RGS7: variants seen among roughly 807,000 people sequenced by gnomAD.
RGS7 encodes regulator of G protein signaling 7, also known as regulator of G-protein signaling 7.
Under a neutral mutation model 81.1 loss-of-function variants are expected in RGS7, and 27 were observed. The observed-to-expected ratio is 0.33, with a 90% CI of 0.25 to 0.46. The LOEUF (loss-of-function observed/expected upper bound fraction) is 0.46. Ranked by LOEUF, RGS7 falls within the 20% of genes least tolerant of loss-of-function variation. The pLI is 1.00. For synonymous variants in RGS7, 208 were observed against 207.7 expected (o/e 1.00, Z -0.01); for missense variants, 396 against 607.4 (o/e 0.65, Z 3.66).
At chr1:240,933,003 C>T (rs1030559070) in intron 5 of RGS7, among the ~76,000 whole-genome samples, 1 of 149,158 alleles carries the variant, frequency 6.7e-6, no homozygotes, top group Non-Finnish European at 1.5e-5. Context: ...CCTGCCTCAG[C>T]CTCCCGAGTA....
chr1:241,076,108 C>A (rs2148882461), intron 3 of RGS7, among the ~76,000 whole-genome samples: 1 of 152,250 alleles, frequency 6.6e-6, no homozygotes, highest in East Asian at 1.9e-4. Context: ...TCCTGGAGGA[C>A]CCCACAGAGA....
chr1:240,964,247 T>C (rs1681934107), intron 4 of RGS7, among the ~76,000 whole-genome samples: 1 of 152,170 alleles, frequency 6.6e-6, no homozygotes, highest in Non-Finnish European at 1.5e-5. Context: ...GAATGTAGCA[T>C]GCCAGTAGAG....
At chr1:240,827,480 CGACA>C (rs981435617) in intron 9 of RGS7, among the ~76,000 whole-genome samples, 1 of 152,140 alleles carries the variant, frequency 6.6e-6, no homozygotes, top group African/African-American at 2.4e-5. Context: ...GCGACAAACC[CGACA>C]GACAGAGTGA....
chr1:241,155,436 A>G (rs1339881633), intron 2 of RGS7, among the ~76,000 whole-genome samples: 2 of 152,048 alleles, frequency 1.3e-5, no homozygotes, highest in African/African-American at 4.8e-5. Context: ...GAAGACATGC[A>G]TAAATTAGTA....
chr1:241,323,922 G>A (rs74150261), intron 2 of RGS7, among the ~76,000 whole-genome samples: 2,128 of 152,284 alleles, frequency 0.014, 48 homozygotes, highest in African/African-American at 0.049. Flanking sequence ...AGCCCAGTCT[G>A]CCTGAGACTG....
chr1:241,181,011 T>C (rs978588563), intron 2 of RGS7, among the ~76,000 whole-genome samples: 3 of 152,070 alleles, frequency 2.0e-5, no homozygotes, highest in Non-Finnish European at 4.4e-5. Flanking sequence ...AAGGCAAAAA[T>C]ATGGAGACAA....
Position 241,271,906 on chromosome 1 carries a change from TG to T in RGS7, c.78+83792del, listed in dbSNP as rs2077922617. On this transcript the variant is annotated intron_variant, in intron 2 of 18. Transcript: ENST00000440928. This position sits in a 1 kb window ranked among gnomAD's most constrained non-coding sequence, Gnocchi z 4.6. The stretch of plus-strand genomic sequence containing the variant: ...TAACGTGTGTGTGTGTGTGTGTGTG[TG>T]TGTGTGTGTGTGTGTGTGTGTGTGT... 6.6e-6 allele frequency among the ~76,000 whole-genome samples: 1 copy of T among 151,320 alleles called. No individual in the cohort carries two copies. The highest frequency in any genetic ancestry group is 1.5e-5 in the Non-Finnish European group (1 of 67,796).
chr1:241,032,049 C>T (rs943429728), intron 3 of RGS7, among the ~76,000 whole-genome samples: 2 of 152,220 alleles, frequency 1.3e-5, no homozygotes, highest in African/African-American at 4.8e-5. Flanking sequence ...AATTCTTTGC[C>T]TACGGCAATA....
chr1:241,319,683 C>T (rs1235860914), intron 2 of RGS7, among the ~76,000 whole-genome samples: 1 of 152,020 alleles, frequency 6.6e-6, no homozygotes, highest in Non-Finnish European at 1.5e-5. Flanking sequence ...AACCACCATG[C>T]CTGACCCAAA....
intron 2 of RGS7, among the ~76,000 whole-genome samples, chr1:241,175,178 A>C (rs1157021867): frequency 6.6e-6 from 1 of 152,172 alleles, no homozygotes; most frequent in Non-Finnish European, 1.5e-5. Flanking sequence ...CTGGGATTAC[A>C]GGTATGAGCC....
intron 2 of RGS7, among the ~76,000 whole-genome samples, chr1:241,288,541 C>T (rs1338922922): frequency 6.6e-6 from 1 of 152,108 alleles, no homozygotes; most frequent in Non-Finnish European, 1.5e-5. Flanking sequence ...GGCGCTGTTA[C>T]TATACAACAT....
At chr1:241,277,452 T>C (rs1417615561) in intron 2 of RGS7, among the ~76,000 whole-genome samples, 1 of 152,008 alleles carries the variant, frequency 6.6e-6, no homozygotes, top group Non-Finnish European at 1.5e-5. Flanking sequence ...ACCCTGTCTC[T>C]ACTAAAAATA....
rs71568996 is a variant in RGS7 at position 241,324,342 on chromosome 1, C to CA, written c.78+31356dup. 2.2e-3 allele frequency among the ~76,000 whole-genome samples: 312 copies of CA among 144,686 alleles called. 1 individual carries two copies. The highest frequency in any genetic ancestry group is 0.021 in the Middle Eastern group (6 of 282). The allele number at this position is 144,686 out of a possible 152,430, so 94.9% of individuals were successfully genotyped here. On this transcript the variant is annotated intron_variant, in intron 2 of 18. Transcript: ENST00000440928. ...GAAAAATATATAAAAGCAAAAAAAA[C>CA]AAAAAAAAAAGCAACTTTTTACTTA...
At chr1:241,183,116 T>C (rs902402020) in intron 2 of RGS7, among the ~76,000 whole-genome samples, 5 of 152,146 alleles carry the variant, frequency 3.3e-5, no homozygotes, top group Admixed American at 6.5e-5. Context: ...TGGGTTCTTC[T>C]CCTCATTAGA....
At chr1:240,801,080 T>C (rs1156935587) in intron 17 of RGS7, among the ~76,000 whole-genome samples, 1 of 152,132 alleles carries the variant, frequency 6.6e-6, no homozygotes, top group Non-Finnish European at 1.5e-5. Context: ...GTTCTTAACA[T>C]TTTAAGCCTC....
chr1:240,867,582 A>T (rs1369114669), intron 9 of RGS7, among the ~76,000 whole-genome samples: 1 of 152,236 alleles, frequency 6.6e-6, no homozygotes, highest in African/African-American at 2.4e-5. Context: ...TAAGGAAGAA[A>T]GCCAGCTAAG....
intron 2 of RGS7, among the ~76,000 whole-genome samples, chr1:241,337,652 A>G (rs188861928): frequency 2.0e-5 from 3 of 152,284 alleles, no homozygotes; most frequent in African/African-American, 2.4e-5. Context: ...GCACACTTCA[A>G]TGCACAAAAC....
chr1:240,829,653 C>G (rs1225079695), intron 9 of RGS7, among the ~76,000 whole-genome samples: 1 of 152,046 alleles, frequency 6.6e-6, no homozygotes, highest in Non-Finnish European at 1.5e-5. Context: ...AGCACAGTGC[C>G]AGGTGCAGTG....
intron 2 of RGS7, among the ~76,000 whole-genome samples, chr1:241,275,603 C>T (rs944445555): frequency 1.3e-5 from 2 of 152,152 alleles, no homozygotes; most frequent in Admixed American, 6.5e-5. Context: ...CTAGTGGACT[C>T]AGATGGGAAA....
Sources: gnomAD v4.1 joint callset for allele counts (sites outside exome capture counted in the v4.1 genomes callset) on GRCh38, gnomAD v4.1.1 for gene constraint, Gnocchi (gnomAD v3.1) non-coding constraint, MANE v1.5 for transcripts, NCBI Gene and HGNC (gene_info 2026-07-23, HGNC 2026-07-21) for gene names.